GRID1: variants seen among roughly 807,000 people sequenced by gnomAD.
The protein encoded by GRID1 is glutamate ionotropic receptor delta type subunit 1.
A neutral mutation model predicts 98.0 loss-of-function variants in GRID1; 28 were observed. The observed-to-expected ratio is 0.29, with a 90% CI of 0.21 to 0.39. The LOEUF (loss-of-function observed/expected upper bound fraction) is 0.39, where lower values mean the gene tolerates loss of function less well. Ranked by LOEUF, GRID1 falls within the 10% of genes least tolerant of loss-of-function variation. GRID1 has a pLI of 1.00. For missense variants in GRID1, 1,111 were observed against 1,340.5 expected (o/e 0.83, Z 2.67); for synonymous variants, 553 against 538.5 (o/e 1.03, Z -0.37).
Position 85,647,616 on chromosome 10 carries a change from C to G in GRID1, c.1998-219G>C, listed in dbSNP as rs1347634704. On this transcript the variant is annotated intron_variant, in intron 12 of 15. Coordinates refer to ENST00000327946, the MANE Select transcript of GRID1 (RefSeq NM_017551.3). ...TGTGTTTTCTCAGTGCAGATTAATT[C>G]AATAAGATGACTGGGCACCTAAAAC... 33 of 517,244 alleles carry G rather than the reference C, an allele frequency of 6.4e-5. No homozygotes were observed. In the East Asian group the frequency reaches 1.0e-3, roughly 16 times the overall value. The allele number at this position is 517,244 out of a possible 1,614,324, so 32.0% of individuals were successfully genotyped here. A position where few individuals can be genotyped will look rare whatever the true frequency, so the allele number is the denominator to read the frequency against.
intron 2 of GRID1, among the ~76,000 whole-genome samples, chr10:86,286,721 T>A (rs1156336556): frequency 1.3e-5 from 2 of 152,184 alleles, no homozygotes; most frequent in Non-Finnish European, 2.9e-5. Context: ...TGCACCTCAC[T>A]TTCTCATCTG....
At chr10:85,971,044 C>A (rs913697285) in intron 4 of GRID1, among the ~76,000 whole-genome samples, 2 of 151,586 alleles carry the variant, frequency 1.3e-5, no homozygotes, top group South Asian at 4.2e-4. Context: ...TATATACTAT[C>A]ATGAAAATAA....
intron 8 of GRID1, among the ~76,000 whole-genome samples, chr10:85,781,029 A>G (rs1400088224): frequency 6.6e-6 from 1 of 152,226 alleles, no homozygotes; most frequent in Non-Finnish European, 1.5e-5. Flanking sequence ...CACTGGGCTC[A>G]GGAGCCCACT....
intron 5 of GRID1, among the ~76,000 whole-genome samples, chr10:85,887,029 A>G (rs1841126941): frequency 6.6e-6 from 1 of 152,252 alleles, no homozygotes; most frequent in African/African-American, 2.4e-5. Flanking sequence ...CTTCCAAACC[A>G]TGGTGTCAGT....
At chr10:85,902,121 A>C (rs974802643) in intron 5 of GRID1, among the ~76,000 whole-genome samples, 25 of 152,230 alleles carry the variant, frequency 1.6e-4, no homozygotes, top group Admixed American at 1.4e-3. Context: ...AAATCTAATC[A>C]AGCAGCTCCC....
intron 8 of GRID1, among the ~76,000 whole-genome samples, chr10:85,746,095 T>C (rs923163698): frequency 5.9e-5 from 9 of 152,216 alleles, no homozygotes; most frequent in Non-Finnish European, 7.3e-5. Flanking sequence ...CCTTCATATA[T>C]TGATTGCAAG....
chr10:85,811,002 T>C (rs186917085), intron 8 of GRID1, among the ~76,000 whole-genome samples: 3 of 152,136 alleles, frequency 2.0e-5, no homozygotes, highest in Admixed American at 1.3e-4. Context: ...AGCCCTCAAG[T>C]TGGCTGATCC....
intron 6 of GRID1, among the ~76,000 whole-genome samples, chr10:85,857,574 G>A (rs546407604): frequency 2.6e-5 from 4 of 152,276 alleles, no homozygotes; most frequent in East Asian, 1.9e-4. Flanking sequence ...CGGTGAGGGC[G>A]AGGTAGCGTC....
intron 8 of GRID1, among the ~76,000 whole-genome samples, chr10:85,824,341 A>G (rs1842799786): frequency 6.6e-6 from 1 of 151,992 alleles, no homozygotes; most frequent in Non-Finnish European, 1.5e-5. Flanking sequence ...CTTCCCATGT[A>G]GCTGGGATTA....
chr10:86,330,246 G>A (rs930409712), intron 2 of GRID1, among the ~76,000 whole-genome samples: 2 of 152,106 alleles, frequency 1.3e-5, no homozygotes, highest in Admixed American at 6.5e-5. Context: ...CTCTTGCAGT[G>A]CGCCAATTTC....
chr10:85,923,816 G>A (rs746864754), intron 4 of GRID1, among the ~76,000 whole-genome samples: 1 of 152,204 alleles, frequency 6.6e-6, no homozygotes, highest in Non-Finnish European at 1.5e-5. Context: ...AGCTAAGCCA[G>A]AAGGTGATTC....
intron 8 of GRID1, among the ~76,000 whole-genome samples, chr10:85,840,404 G>T (rs919954741): frequency 2.6e-5 from 4 of 152,120 alleles, no homozygotes; most frequent in African/African-American, 4.8e-5. Flanking sequence ...AAGGCTGGAA[G>T]CATTCCCCTT....
intron 8 of GRID1, among the ~76,000 whole-genome samples, chr10:85,801,055 A>G (rs1248420226): frequency 6.6e-6 from 1 of 152,114 alleles, no homozygotes; most frequent in African/African-American, 2.4e-5. Context: ...ACAAACAAAC[A>G]ATATTATGAT....
chr10:86,237,482 C>T (rs757841737), intron 2 of GRID1, among the ~76,000 whole-genome samples: 11 of 152,126 alleles, frequency 7.2e-5, no homozygotes, highest in Admixed American at 2.0e-4. Context: ...GGGTGGATCA[C>T]GAGGTCAGGA....
chr10:86,320,318 G>A (rs910627505), intron 2 of GRID1, among the ~76,000 whole-genome samples: 1 of 152,226 alleles, frequency 6.6e-6, no homozygotes, highest in East Asian at 1.9e-4. Context: ...AAACATTGTA[G>A]AGGGTGGATC....
chr10:85,844,420 T>C (rs1477616399), intron 8 of GRID1, among the ~76,000 whole-genome samples: 1 of 133,740 alleles, frequency 7.5e-6, no homozygotes, highest in African/African-American at 2.7e-5. Context: ...TACAACTAAA[T>C]ACACACACAC....
chr10:86,005,985 C>A (rs948941232), intron 4 of GRID1, among the ~76,000 whole-genome samples: 3 of 152,116 alleles, frequency 2.0e-5, no homozygotes, highest in Non-Finnish European at 4.4e-5. Flanking sequence ...TTTTCATGAA[C>A]CCTAATAAGC....
intron 2 of GRID1, among the ~76,000 whole-genome samples, chr10:86,208,660 G>A (rs1846067885): frequency 6.6e-6 from 1 of 152,182 alleles, no homozygotes; most frequent in Non-Finnish European, 1.5e-5. Flanking sequence ...TCCCTGTCAT[G>A]AGCCACATGT....
chr10:85,824,135 TACA>T (rs768135332), intron 8 of GRID1, among the ~76,000 whole-genome samples: 60 of 152,190 alleles, frequency 3.9e-4, no homozygotes, highest in Middle Eastern at 3.2e-3. Context: ...GAAAGTATAT[TACA>T]ACAATAAAGC....
Sources: allele counts gnomAD v4.1 joint callset (sites outside exome capture counted in the v4.1 genomes callset), GRCh38; gene constraint gnomAD v4.1.1; transcripts MANE v1.5; gene names NCBI Gene and HGNC (gene_info 2026-07-23, HGNC 2026-07-21).